PACS1: variants seen among roughly 807,000 people sequenced by gnomAD.
The protein encoded by PACS1 is phosphofurin acidic cluster sorting protein 1.
A neutral mutation model predicts 115.0 loss-of-function variants in PACS1; 24 were observed. That is an observed-to-expected ratio of 0.21 (90% confidence interval 0.15 to 0.29). The LOEUF is 0.29. Ranked by LOEUF, PACS1 falls within the 10% of genes least tolerant of loss-of-function variation. The pLI is 1.00. For synonymous variants in PACS1, 453 were observed against 504.5 expected (o/e 0.90, Z 1.37); for missense variants, 838 against 1,251.2 (o/e 0.67, Z 4.98).
intron 1 of PACS1, among the ~76,000 whole-genome samples, chr11:66,119,112 G>C (rs1446633612): frequency 6.6e-6 from 1 of 152,192 alleles, no homozygotes; most frequent in Non-Finnish European, 1.5e-5. Context: ...CCTACTCCCT[G>C]CTTGTCCTCT....
chr11:66,143,142 G>T (rs1453894123), intron 1 of PACS1, among the ~76,000 whole-genome samples: 1 of 152,152 alleles, frequency 6.6e-6, no homozygotes, highest in East Asian at 1.9e-4. Flanking sequence ...AGCAGTATTA[G>T]ATTATAGTGT....
At chr11:66,164,714 G>A (rs765046263) in intron 1 of PACS1, among the ~76,000 whole-genome samples, 2 of 143,874 alleles carry the variant, frequency 1.4e-5, no homozygotes, top group Non-Finnish European at 3.1e-5. Flanking sequence ...CTCCCAAAGT[G>A]CAGGAATTAC....
intron 1 of PACS1, among the ~76,000 whole-genome samples, chr11:66,101,148 C>T (rs917965627): frequency 2.0e-5 from 3 of 152,200 alleles, no homozygotes; most frequent in African/African-American, 7.2e-5. Context: ...ATGGAAGATT[C>T]ATTTGTACAG....
chr11:66,200,293 G>C (rs530800048), intron 2 of PACS1, among the ~76,000 whole-genome samples: 1 of 152,278 alleles, frequency 6.6e-6, no homozygotes, highest in South Asian at 2.1e-4. Context: ...TAAGGCTAAA[G>C]TGAGCTATGA....
intron 1 of PACS1, among the ~76,000 whole-genome samples, chr11:66,156,021 T>A (rs1203312775): frequency 6.6e-6 from 1 of 151,284 alleles, no homozygotes. Context: ...GACAATAAAA[T>A]AAAGGAGTGA....
chr11:66,117,635 T>C (rs1858334721), intron 1 of PACS1, among the ~76,000 whole-genome samples: 1 of 151,826 alleles, frequency 6.6e-6, no homozygotes, highest in African/African-American at 2.4e-5. Flanking sequence ...TCACCTGAGG[T>C]CGGGAGTTCG....
At chr11:66,159,211 G>T (rs1859432599) in intron 1 of PACS1, among the ~76,000 whole-genome samples, 1 of 152,236 alleles carries the variant, frequency 6.6e-6, no homozygotes. Flanking sequence ...GCCAAGGCAG[G>T]TGGATCACCT....
intron 1 of PACS1, among the ~76,000 whole-genome samples, chr11:66,190,832 GA>G (rs1382259099): frequency 6.6e-6 from 1 of 152,184 alleles, no homozygotes; most frequent in East Asian, 1.9e-4. Context: ...GAAACAGCAT[GA>G]ACCCAGATGG....
intron 10 of PACS1, among the ~76,000 whole-genome samples, chr11:66,223,696 GC>G (rs1855408638): frequency 6.6e-6 from 1 of 152,132 alleles, no homozygotes; most frequent in Admixed American, 6.5e-5. Flanking sequence ...GGAATGTAGA[GC>G]AAGTGCCCTA....
chr11:66,188,106 T>G (rs959016664), intron 1 of PACS1, among the ~76,000 whole-genome samples: 1 of 152,116 alleles, frequency 6.6e-6, no homozygotes, highest in African/African-American at 2.4e-5. Flanking sequence ...GCTATTTGTA[T>G]GTTTTCTTTT....
chr11:66,239,573 C>T (rs1287013889), intron 21 of PACS1, among the ~76,000 whole-genome samples: 1 of 152,230 alleles, frequency 6.6e-6, no homozygotes, highest in Non-Finnish European at 1.5e-5. Flanking sequence ...CACTAGCCGG[C>T]CTGGTCATGG....
At position 66,140,403 on chromosome 11, in the gene PACS1, G is replaced by A. The variant is rs568367967; in HGVS notation, c.357-53083G>A. Among the ~76,000 whole-genome samples the A allele has an allele frequency of 1.7e-4, 26 of 152,194 alleles. No individual in the cohort carries two copies. In the South Asian group the frequency reaches 3.5e-3, roughly 21 times the overall value. Reference sequence around the variant, plus strand: ...AGACAGGGAAAGATGCTTTGTATCCGCGTGACCTGCCTTGCTCACAAAAGC... The same window carrying A: ...AGACAGGGAAAGATGCTTTGTATCCACGTGACCTGCCTTGCTCACAAAAGC... On this transcript the variant is annotated intron_variant, in intron 1 of 23. Transcript: ENST00000320580.
intron 1 of PACS1, among the ~76,000 whole-genome samples, chr11:66,139,689 C>CT (rs1858935181): frequency 1.3e-5 from 2 of 152,062 alleles, no homozygotes; most frequent in Admixed American, 6.6e-5. Flanking sequence ...GGATCACATT[C>CT]TTTTTTGTGG....
intron 1 of PACS1, among the ~76,000 whole-genome samples, chr11:66,147,887 C>A (rs971879550): frequency 3.3e-5 from 5 of 151,676 alleles, no homozygotes; most frequent in Non-Finnish European, 1.5e-5. Context: ...TGATGGATAC[C>A]CCATTTACCC....
chr11:66,110,820 C>T (rs1241074891), intron 1 of PACS1, among the ~76,000 whole-genome samples: 2 of 152,200 alleles, frequency 1.3e-5, no homozygotes, highest in African/African-American at 4.8e-5. Flanking sequence ...CCTCCCGCCT[C>T]AGCCTCCCAA....
Position 66,219,730 on chromosome 11 carries a change from C to T in PACS1, c.979-16C>T, listed in dbSNP as rs751793160. On this transcript the variant is annotated splice_polypyrimidine_tract_variant and intron_variant, in intron 7 of 23. Coordinates refer to ENST00000320580, the MANE Select transcript of PACS1 (RefSeq NM_018026.4). ...GTGGACGTTGCTGAGAACTGTCATG[C>T]GATTTGTCCCTACAGCAACCTAACA... is the stretch of plus-strand genomic sequence containing the variant. 38 of 1,609,722 alleles carry T rather than the reference C, an allele frequency of 2.4e-5. No individual in the cohort carries two copies. Among genetic ancestry groups the T allele is most frequent in the South Asian group, 1.4e-4 (13 of 90,998 alleles).
intron 1 of PACS1, among the ~76,000 whole-genome samples, chr11:66,148,683 T>A (rs1335964875): frequency 6.6e-6 from 1 of 152,136 alleles, no homozygotes; most frequent in Non-Finnish European, 1.5e-5. Flanking sequence ...CTCAGCACTT[T>A]GGGAGGCCAA....
intron 1 of PACS1, among the ~76,000 whole-genome samples, chr11:66,118,409 C>G (rs1021714433): frequency 1.3e-5 from 2 of 151,812 alleles, no homozygotes; most frequent in African/African-American, 4.8e-5. Context: ...CCCAGGAGCT[C>G]AAGACCACCC....
chr11:66,237,152 C>T (rs535298851), intron 19 of PACS1, among the ~76,000 whole-genome samples: 150 of 152,314 alleles, frequency 9.8e-4, no homozygotes, highest in African/African-American at 3.4e-3. Flanking sequence ...CTCTTGACCT[C>T]GTGATCCGGC....
Sources: allele counts gnomAD v4.1 joint callset (sites outside exome capture counted in the v4.1 genomes callset), GRCh38; gene constraint gnomAD v4.1.1; transcripts MANE v1.5; gene names NCBI Gene and HGNC (gene_info 2026-07-23, HGNC 2026-07-21).